SMYD3: variants seen among roughly 807,000 people sequenced by gnomAD.
The protein encoded by SMYD3 is SET and MYND domain containing 3.
Under a neutral mutation model 57.7 loss-of-function variants are expected in SMYD3, and 36 were observed. That is an observed-to-expected ratio of 0.62 (90% CI 0.48 to 0.82). The LOEUF (loss-of-function observed/expected upper bound fraction) is 0.82, where lower values mean the gene tolerates loss of function less well. SMYD3 is among the 40% of genes least tolerant of loss of function. The probability of loss-of-function intolerance (pLI) is 0.00; values close to 1 mark genes in which losing one functional copy is unlikely to be tolerated. For synonymous variants in SMYD3, 211 were observed against 195.0 expected, an observed-to-expected ratio of 1.08 and a Z score of -0.68; for missense variants, 515 against 538.8, an observed-to-expected ratio of 0.96 and a Z score of 0.44.
rs541208767 is a variant in SMYD3, at chr1:246,151,825, G to T, written c.531+175376C>A. Among the ~76,000 whole-genome samples, 220 of 152,292 alleles carry T rather than the reference G, an allele frequency of 1.4e-3. 1 individual carries two copies. Among genetic ancestry groups the T allele is most frequent in the Non-Finnish European group, 2.4e-3 (164 of 68,030 alleles). On this transcript the variant is annotated intron_variant, in intron 5 of 11. Coordinates refer to ENST00000490107, the MANE Select transcript of SMYD3 (RefSeq NM_001167740.2). ...GTAGGCCTGTCTGGCATTCTACTAG[G>T]CCTGCTTTCCAGTGACCTTCCTGTG...
At chr1:246,427,476 C>T (rs1371921193) in intron 1 of SMYD3, among the ~76,000 whole-genome samples, 1 of 149,384 alleles carries the variant, frequency 6.7e-6, no homozygotes, top group South Asian at 2.1e-4. Context: ...GCCGAGATCC[C>T]GCCACTGCAC....
intron 5 of SMYD3, among the ~76,000 whole-genome samples, chr1:246,304,089 G>A (rs2064939369): frequency 6.6e-6 from 1 of 152,068 alleles, no homozygotes; most frequent in Non-Finnish European, 1.5e-5. Flanking sequence ...TACATATTGG[G>A]TCAACAAATA....
At chr1:246,301,926 A>G (rs746445978) in intron 5 of SMYD3, among the ~76,000 whole-genome samples, 20 of 152,304 alleles carry the variant, frequency 1.3e-4, no homozygotes, top group South Asian at 8.3e-4. Flanking sequence ...TCTGTCATCT[A>G]GCACTCACTC....
intron 1 of SMYD3, among the ~76,000 whole-genome samples, chr1:246,362,451 CCCTCTCCCTCTCCACGGTCTCCCTCT>C (rs2066005144): frequency 1.1e-4 from 2 of 17,574 alleles, no homozygotes; most frequent in African/African-American, 1.6e-4. Context: ...GTCTCCCTCT[CCCTCTCCCTCTCCACGGTCTCCCTCT>C]CCCTCTCTTT....
intron 5 of SMYD3, chr1:245,947,300 T>G (rs1000638407): frequency 1.1e-5 from 5 of 449,486 alleles, no homozygotes; most frequent in African/African-American, 8.0e-5. Flanking sequence ...AAATGAAGCC[T>G]TGGCACTCTG....
chr1:246,221,012 G>A (rs1046587130), intron 5 of SMYD3, among the ~76,000 whole-genome samples: 1 of 151,902 alleles, frequency 6.6e-6, no homozygotes, highest in African/African-American at 2.4e-5. Context: ...ACGACCAGCT[G>A]CAGAGAGGAG....
intron 1 of SMYD3, 53 bp downstream of exon 1, chr1:246,507,001 C>CCCA: frequency 8.6e-7 from 1 of 1,159,194 alleles, no homozygotes; most frequent in Non-Finnish European, 1.2e-6. Context: ...CCCCCCCTCC[C>CCCA]CAGCACCCCA....
chr1:245,904,510 A>T (rs2054418696), intron 8 of SMYD3, among the ~76,000 whole-genome samples: 1 of 152,140 alleles, frequency 6.6e-6, no homozygotes, highest in Non-Finnish European at 1.5e-5. Flanking sequence ...AGCAAACCAA[A>T]CTCACCTGAT....
chr1:246,253,957 T>C (rs1219332484), intron 5 of SMYD3, among the ~76,000 whole-genome samples: 6 of 152,186 alleles, frequency 3.9e-5, no homozygotes, highest in African/African-American at 1.2e-4. Context: ...TAGGTTTATA[T>C]TCCCATCCAC....
intron 10 of SMYD3, among the ~76,000 whole-genome samples, chr1:245,765,045 T>TACAC (rs3085339): frequency 0.016 from 2,138 of 134,806 alleles, 37 homozygotes; most frequent in African/African-American, 0.032. Flanking sequence ...TGGAAATGCC[T>TACAC]ACACACACAC....
chr1:246,082,336 G>A (rs74749843), intron 5 of SMYD3, among the ~76,000 whole-genome samples: 2,970 of 152,226 alleles, frequency 0.02, 144 homozygotes, highest in East Asian at 0.16. Context: ...CATTACTATT[G>A]TAGTACCTAA....
intron 4 of SMYD3, among the ~76,000 whole-genome samples, chr1:246,327,954 G>T (rs1229765212): frequency 6.6e-6 from 1 of 152,178 alleles, no homozygotes; most frequent in Admixed American, 6.5e-5. Flanking sequence ...AACACTTTGG[G>T]AGGCCAAGAC....
At chr1:246,378,806 TTATA>T (rs1282635806) in intron 1 of SMYD3, among the ~76,000 whole-genome samples, 3 of 116,744 alleles carry the variant, frequency 2.6e-5, no homozygotes, top group South Asian at 2.3e-4. Context: ...TTTTTATATA[TTATA>T]TATAATATAT....
intron 10 of SMYD3, among the ~76,000 whole-genome samples, chr1:245,795,483 C>A (rs2047484915): frequency 6.6e-6 from 1 of 152,214 alleles, no homozygotes; most frequent in African/African-American, 2.4e-5. Flanking sequence ...TATCCGAGAG[C>A]CAGGTAGCCA....
intron 1 of SMYD3, among the ~76,000 whole-genome samples, chr1:246,457,543 AAAAAAG>A (rs755838302): frequency 0.029 from 2,801 of 95,282 alleles, 24 homozygotes; most frequent in Middle Eastern, 0.051. Context: ...AAAAAAAAAA[AAAAAAG>A]AAAAGAAAAG....
chr1:245,988,436 AAAG>A (rs2058746920), intron 5 of SMYD3: 1 of 152,238 alleles, frequency 6.6e-6, no homozygotes, highest in Non-Finnish European at 1.5e-5. Context: ...GGTAAAATTC[AAAG>A]AACCGTGGCT....
At chr1:246,054,904 G>T (rs193141079) in intron 5 of SMYD3, among the ~76,000 whole-genome samples, 327 of 143,748 alleles carry the variant, frequency 2.3e-3, no homozygotes, top group African/African-American at 8.2e-3. Context: ...GGCCAGGTGC[G>T]GCGGCTCACG....
intron 5 of SMYD3, among the ~76,000 whole-genome samples, chr1:245,979,536 T>C (rs1050418346): frequency 3.3e-5 from 5 of 151,416 alleles, no homozygotes; most frequent in South Asian, 2.1e-4. Flanking sequence ...GAGACTGGGG[T>C]GATGCAGGTA....
In SMYD3 at chr1:246,217,333, G is replaced by A. The variant is rs189876720; in HGVS notation, c.531+109868C>T. On this transcript the variant is annotated intron_variant, in intron 5 of 11. Transcript: ENST00000490107. Reference sequence around the variant, plus strand: ...AAACAAAATCACAAGCCAGGGTAACGTAGGGAGACCCTGTCTCTACGAAAA... The same window carrying A: ...AAACAAAATCACAAGCCAGGGTAACATAGGGAGACCCTGTCTCTACGAAAA... Among the ~76,000 whole-genome samples, 4 of 152,158 alleles carry A rather than the reference G, an allele frequency of 2.6e-5. No individual in the cohort carries two copies. The East Asian group carries it at 5.8e-4, about 22-fold the overall frequency.
Sources: gnomAD v4.1 joint callset for allele counts (sites outside exome capture counted in the v4.1 genomes callset) on GRCh38, gnomAD v4.1.1 for gene constraint, MANE v1.5 for transcripts, NCBI Gene and HGNC (gene_info 2026-07-23, HGNC 2026-07-21) for gene names.